The following KCNV1 variants were observed in gnomAD, a reference collection of about 807,000 sequenced individuals.
The protein encoded by KCNV1 is potassium voltage-gated channel modifier subfamily V member 1, also known as potassium voltage-gated channel subfamily V member 1.
KCNV1 carries 2 observed loss-of-function variants against 36.4 expected under a neutral mutation model. The observed-to-expected ratio is 0.05, with a 90% CI of 0.02 to 0.17. The LOEUF (loss-of-function observed/expected upper bound fraction) is 0.17, where lower values mean the gene tolerates loss of function less well. Among genes scored for constraint, KCNV1 ranks in the 10% least tolerant of loss-of-function variants. The pLI, the probability that KCNV1 is intolerant of heterozygous loss-of-function variation, is 1.00. For missense variants in KCNV1, 321 were observed against 643.6 expected, an observed-to-expected ratio of 0.50 and a Z score of 5.42; for synonymous variants, 280 against 261.1, an observed-to-expected ratio of 1.07 and a Z score of -0.70.
chr8:109,973,448 T>TA, intron 2 of KCNV1, among the ~76,000 whole-genome samples: 1 of 152,344 alleles, frequency 6.6e-6, no homozygotes, highest in East Asian at 1.9e-4. Flanking sequence ...GAAATGGTAG[T>TA]AATAGCAAGG....
At chr8:109,975,246 G>T (rs1023304358) in intron 1 of KCNV1, 54 bp from the exon 2 acceptor site, 1 of 148,584 alleles carries the variant, frequency 6.7e-6, no homozygotes, top group Non-Finnish European at 1.5e-5. Flanking sequence ...GACCCAGTGG[G>T]TCACTAAGAA....
At position 109,964,070 on chromosome 8, in the gene KCNV1, A is replaced by C. The variant is rs1199574249; in HGVS notation, c.*4018T>G. The C allele has an allele frequency of 3.9e-5, 6 of 152,180 alleles. 1 individual carries two copies. Among genetic ancestry groups the C allele is most frequent in the Non-Finnish European group, 7.4e-5 (5 of 68,024 alleles). 9.4% of individuals were successfully genotyped at this position (152,180 alleles called of 1,614,324 possible). On this transcript the variant is annotated 3_prime_UTR_variant, in exon 4 of 4. Coordinates refer to ENST00000524391, the MANE Select transcript of KCNV1 (RefSeq NM_014379.4). ...TCAACAGAGTGAACAGACAACCTACAGATTGGGGGAAAATATTTGCAAACT... is the reference window on the plus strand; with the variant it reads ...TCAACAGAGTGAACAGACAACCTACCGATTGGGGGAAAATATTTGCAAACT...
rs1313499614 is a variant in KCNV1 at position 109,968,594 on chromosome 8, G to A, written c.997C>T (p.Arg333Cys). The change falls in exon 4 of 4, where the codon CGC (arginine) becomes TGC (cysteine). Residue 333 changes from arginine (R) to cysteine (C), a missense_variant. This residue lies in a region of KCNV1 where 141 missense variants were observed against 225.0 expected (regional missense o/e 0.63). Coordinates refer to ENST00000524391, the MANE Select transcript of KCNV1 (RefSeq NM_014379.4). The surrounding 1 kb of genome is among the most constrained non-coding windows in gnomAD (Gnocchi z 5.3). The part of the protein sequence containing the change: ...LKLGRHSTGL[R>C]SLGMTITQCY... Reference sequence around the variant, plus strand: ...TGGGTGATTGTCATCCCAAGGGAGCGTAATCCTGCAACAGAACAAATGCTG... The same window carrying A: ...TGGGTGATTGTCATCCCAAGGGAGCATAATCCTGCAACAGAACAAATGCTG... 4 of 1,579,086 alleles carry A rather than the reference G, an allele frequency of 2.5e-6. No individual in the cohort carries two copies. Among genetic ancestry groups the A allele is most frequent in the Non-Finnish European group, 2.6e-6 (3 of 1,156,260 alleles).
At chr8:109,969,822 G>A (rs1819987586) in intron 3 of KCNV1, among the ~76,000 whole-genome samples, 1 of 149,302 alleles carries the variant, frequency 6.7e-6, no homozygotes, top group Non-Finnish European at 1.5e-5. Flanking sequence ...TCCAGCCTGG[G>A]CAATAGAATG....
At chr8:109,969,007 C>T (rs547919311) in intron 3 of KCNV1, among the ~76,000 whole-genome samples, 2 of 152,292 alleles carry the variant, frequency 1.3e-5, no homozygotes, top group Admixed American at 1.3e-4. Context: ...ACCTGCATTT[C>T]AATGCATCAT....
In KCNV1 at chr8:109,974,986, C is replaced by A. The variant is rs1001323127; in HGVS notation, c.-598G>T. On this transcript the variant is annotated 5_prime_UTR_variant, in exon 2 of 4. It adds an upstream start codon to the 5' untranslated region. Transcript: ENST00000524391. The surrounding 1 kb of genome is among the most constrained non-coding windows in gnomAD (Gnocchi z 6.2). The stretch of plus-strand genomic sequence containing the variant: ...AGCAAAGGAAGTGGTAACCGGGTCC[C>A]TTCCAACTTGAGAATTTATATTCCT... The A allele has an allele frequency of 6.5e-6, 1 of 152,988 alleles. No homozygotes were observed. Among genetic ancestry groups the A allele is most frequent in the African/African-American group, 2.4e-5 (1 of 41,438 alleles). The allele number at this position is 152,988 out of a possible 1,614,324, so 9.5% of individuals were successfully genotyped here.
In KCNV1 at chr8:109,967,909, C is replaced by T. The variant is rs1271393369; in HGVS notation, c.*179G>A. 1.2e-5 allele frequency: 7 copies of T among 606,364 alleles called. No individual in the cohort carries two copies. The highest frequency in any genetic ancestry group is 3.7e-5 in the African/African-American group (2 of 54,148). 37.6% of individuals were successfully genotyped at this position (606,364 alleles called of 1,614,324 possible). The stretch of plus-strand genomic sequence containing the variant: ...TTGGACACTCAAATGTGTCAGAACA[C>T]TGTGCAGTTGTTATAGGTGATGTGA... On this transcript the variant is annotated 3_prime_UTR_variant, in exon 4 of 4. Coordinates refer to ENST00000524391, the MANE Select transcript of KCNV1 (RefSeq NM_014379.4).
intron 3 of KCNV1, among the ~76,000 whole-genome samples, chr8:109,971,513 A>G (rs990667152): frequency 6.6e-6 from 1 of 152,040 alleles, no homozygotes; most frequent in African/African-American, 2.4e-5. Flanking sequence ...ATTTTCACGT[A>G]TCTTATGTGT....
chr8:109,974,252 C>T lies in KCNV1; in HGVS notation c.137G>A (p.Gly46Asp). 6.4e-7 allele frequency: 1 copy of T among 1,557,638 alleles called. No individual in the cohort carries two copies. Among genetic ancestry groups the T allele is most frequent in the Non-Finnish European group, 8.7e-7 (1 of 1,152,668 alleles). The stretch of plus-strand genomic sequence containing the variant: ...CTGCGAGAGCACGAAGCGGCTGCCG[C>T]CCACGTTGACCGTGAAGCAGTCCCC... Reference protein sequence around the residue: ...ALGDCFTVNVGGSRFVLSQQA... With the variant: ...ALGDCFTVNVDGSRFVLSQQA... The change falls in exon 2 of 4, where the codon GGC (glycine) becomes GAC (aspartate). Residue 46 changes from glycine to aspartate, a missense_variant. Around this residue, in one of 5 missense-constraint regions of KCNV1, gnomAD observed 60 missense variants for 160.5 expected, o/e 0.37. Coordinates refer to ENST00000524391, the MANE Select transcript of KCNV1 (RefSeq NM_014379.4). The surrounding 1 kb of genome is among the most constrained non-coding windows in gnomAD (Gnocchi z 6.2).
chr8:109,968,619 G>A lies in KCNV1; in HGVS notation c.992-20C>T, dbSNP rs769648442. The A allele has an allele frequency of 1.3e-6, 2 of 1,556,844 alleles. No homozygotes were observed. Among genetic ancestry groups the A allele is most frequent in the Non-Finnish European group, 8.7e-7 (1 of 1,146,196 alleles). ...GTAATCCTGCAACAGAACAAATGCT[G>A]TCAGTCATTGGCATCCCTCTTCTCT... On this transcript the variant is annotated intron_variant, in intron 3 of 3. Transcript: ENST00000524391. This position sits in a 1 kb window ranked among gnomAD's most constrained non-coding sequence, Gnocchi z 5.3.
At chr8:109,970,442 A>G (rs1054820806) in intron 3 of KCNV1, among the ~76,000 whole-genome samples, 6 of 152,218 alleles carry the variant, frequency 3.9e-5, no homozygotes, top group South Asian at 2.1e-4. Context: ...AAGAAAGGAT[A>G]TAAGAGGGAC....
rs1820056243 is a variant in KCNV1, at chr8:109,974,505, C to G, written c.-117G>C. On this transcript the variant is annotated 5_prime_UTR_variant, in exon 2 of 4. Transcript: ENST00000524391. The surrounding 1 kb of genome is among the most constrained non-coding windows in gnomAD (Gnocchi z 6.2). ...TGGCGGCCGGGATTCCCCGGGCTCC[C>G]GAAGGGGTTACCTCTCCTTGGCGCA... The G allele has an allele frequency of 1.1e-5, 8 of 723,096 alleles. No homozygotes were observed. In the Admixed American group the frequency reaches 1.8e-4, roughly 16 times the overall value. The allele number at this position is 723,096 out of a possible 1,614,324, so 44.8% of individuals were successfully genotyped here. A position where few individuals can be genotyped will look rare whatever the true frequency, so the allele number is the denominator to read the frequency against.
chr8:109,967,973 A>G lies in KCNV1; in HGVS notation c.*115T>C, dbSNP rs1819963878. On this transcript the variant is annotated 3_prime_UTR_variant, in exon 4 of 4. Coordinates refer to ENST00000524391, the MANE Select transcript of KCNV1 (RefSeq NM_014379.4). ...ATGAAGCAATATATCAGCAAAAATT[A>G]ATTAAGATGAGCAGTACTCTGAAGA... 1 of 1,021,104 alleles carries G rather than the reference A, an allele frequency of 9.8e-7. No homozygotes were observed. The highest frequency in any genetic ancestry group is 2.9e-5 in the Admixed American group (1 of 35,014). 63.3% of individuals were successfully genotyped at this position (1,021,104 alleles called of 1,614,324 possible).
intron 3 of KCNV1, among the ~76,000 whole-genome samples, chr8:109,971,976 T>C (rs1820016789): frequency 6.6e-6 from 1 of 152,232 alleles, no homozygotes; most frequent in African/African-American, 2.4e-5. Flanking sequence ...TTTGTATATC[T>C]TCTGGGTAAT....
In KCNV1 at chr8:109,974,321, G is replaced by T; in HGVS notation, c.68C>A (p.Ser23Tyr). 1 of 1,541,946 alleles carries T rather than the reference G, an allele frequency of 6.5e-7. No individual in the cohort carries two copies. Among genetic ancestry groups the T allele is most frequent in the East Asian group, 2.4e-5 (1 of 41,238 alleles). ...TTCACCCTCGCTGCAGAAGACACTAGAGTCCAGGGAGGTCAGGGAGCCGCT... is the reference window on the plus strand; with the variant it reads ...TTCACCCTCGCTGCAGAAGACACTATAGTCCAGGGAGGTCAGGGAGCCGCT... ...LDSGSLTSLD[S>Y]SVFCSEGEGE... Residue 23 changes from serine (S) to tyrosine (Y), a missense_variant, in exon 2 of 4, where the codon TCT (serine) becomes TAT (tyrosine). Ser to Tyr is a moderately radical substitution (Grantham distance 144). Transcript: ENST00000524391. The surrounding 1 kb of genome is among the most constrained non-coding windows in gnomAD (Gnocchi z 6.2).
chr8:109,974,143 G>A lies in KCNV1; in HGVS notation c.246C>T (p.Ala82=), dbSNP rs559355620. 3 of 1,609,360 alleles carry A rather than the reference G, an allele frequency of 1.9e-6. No homozygotes were observed. Among genetic ancestry groups the A allele is most frequent in the East Asian group, 2.2e-5 (1 of 44,742 alleles). The part of the protein sequence containing the change: ...VASYRRPGAL[A]AVPSPLELCD... ...AAAGCTCCAGAGGGCTGGGCACGGC[G>A]GCCAGGGCCCCGGGGCGGCGGTAGG... Residue 82 remains alanine (A), a synonymous_variant, in exon 2 of 4, where the codon GCC becomes GCT. Coordinates refer to ENST00000524391, the MANE Select transcript of KCNV1 (RefSeq NM_014379.4). The surrounding 1 kb of genome is among the most constrained non-coding windows in gnomAD (Gnocchi z 6.2).
chr8:109,969,911 C>T (rs1281290551), intron 3 of KCNV1, among the ~76,000 whole-genome samples: 1 of 150,816 alleles, frequency 6.6e-6, no homozygotes, highest in African/African-American at 2.4e-5. Flanking sequence ...TTGAATGAAC[C>T]ATAAGATTTA....
rs1198297605 is a variant in KCNV1, at chr8:109,964,653, A to G, written c.*3435T>C. 1.3e-5 allele frequency: 2 copies of G among 152,214 alleles called. No homozygotes were observed. Among genetic ancestry groups the G allele is most frequent in the Non-Finnish European group, 2.9e-5 (2 of 68,028 alleles). The allele number at this position is 152,214 out of a possible 1,614,324, so 9.4% of individuals were successfully genotyped here. ...ATGTATGTATACACCATGAAGTACT[A>G]TCCAGCCATATGAAAGAATGAGATC... On this transcript the variant is annotated 3_prime_UTR_variant, in exon 4 of 4. Coordinates refer to ENST00000524391, the MANE Select transcript of KCNV1 (RefSeq NM_014379.4).
intron 2 of KCNV1, among the ~76,000 whole-genome samples, chr8:109,973,326 A>G (rs1820035621): frequency 6.6e-6 from 1 of 152,312 alleles, no homozygotes. Context: ...AGAAGTGTAT[A>G]CATAGTAAAG....
Sources: gnomAD v4.1 joint callset for allele counts (sites outside exome capture counted in the v4.1 genomes callset) on GRCh38, gnomAD v4.1.1 for gene constraint, gnomAD v4.1.1 regional missense constraint, Gnocchi (gnomAD v3.1) non-coding constraint, MANE v1.5 for transcripts, NCBI Gene and HGNC (gene_info 2026-07-23, HGNC 2026-07-21) for gene names.